Variants in R3HDML observed in about 807,000 individuals in gnomAD.
R3HDML encodes the protein peptidase inhibitor R3HDML.
Under a neutral mutation model 24.2 loss-of-function variants are expected in R3HDML, and 21 were observed. That is an observed-to-expected ratio of 0.87 (90% CI 0.62 to 1.25). The LOEUF (loss-of-function observed/expected upper bound fraction) is 1.25. R3HDML is among the 50% of genes most tolerant of loss of function. R3HDML has a pLI of 0.00. For missense variants in R3HDML, 301 were observed against 340.3 expected, an observed-to-expected ratio of 0.88 and a Z score of 0.91; for synonymous variants, 133 against 131.5, an observed-to-expected ratio of 1.01 and a Z score of -0.08.
chr20:44,345,422 G>T (rs1441939864), intron 4 of R3HDML, 44 bp downstream of exon 4: 3 of 1,397,726 alleles, frequency 2.1e-6, no homozygotes, highest in Non-Finnish European at 3.0e-6. Context: ...GGGCCGGCGG[G>T]TGGGTCCTGA....
At chr20:44,344,560 T>A in intron 3 of R3HDML, among the ~76,000 whole-genome samples, 1 of 152,084 alleles carries the variant, frequency 6.6e-6, no homozygotes, top group East Asian at 1.9e-4. Context: ...GGTGGGCAGA[T>A]CACCTGAGGT....
At chr20:44,343,318 C>A in intron 2 of R3HDML, 59 bp from the exon 3 acceptor site, 2 of 1,587,292 alleles carry the variant, frequency 1.3e-6, no homozygotes, top group East Asian at 2.3e-5. Flanking sequence ...AGCAAGTTGG[C>A]GGCCGAGCCA....
chr20:44,348,786 C>G (rs1201340925), intron 4 of R3HDML, among the ~76,000 whole-genome samples: 1 of 152,130 alleles, frequency 6.6e-6, no homozygotes. Flanking sequence ...AGTGCTGGGA[C>G]TACAGGCACG....
At chr20:44,343,738 G>A (rs777100247) in intron 3 of R3HDML, among the ~76,000 whole-genome samples, 5 of 151,960 alleles carry the variant, frequency 3.3e-5, no homozygotes, top group South Asian at 2.1e-4. Context: ...CTCTGTTGCC[G>A]AGGCTGGAGT....
Position 44,345,295 on chromosome 20 carries a change from T to C in R3HDML, c.546T>C (p.Cys182=), listed in dbSNP as rs11697359. ...GGGCATCCTCCAATCGGCTGGGCTG[T>C]GCCATCCACACCTGTAGTAGCATCA... The part of the protein sequence containing the change: ...MVWASSNRLG[C]AIHTCSSISV... The change falls in exon 4 of 5, where the codon TGT becomes TGC. Residue 182 remains cysteine, a synonymous_variant. Coordinates refer to ENST00000217043, the MANE Select transcript of R3HDML (RefSeq NM_178491.4). The C allele has an allele frequency of 0.13, 203,375 of 1,613,792 alleles. 14,206 individuals are homozygous for C. The highest frequency in any genetic ancestry group is 0.14 in the Middle Eastern group (872 of 6,054).
At chr20:44,340,602 C>G (rs911029912) in intron 1 of R3HDML, among the ~76,000 whole-genome samples, 2 of 152,096 alleles carry the variant, frequency 1.3e-5, no homozygotes, top group African/African-American at 2.4e-5. Context: ...GGAGACTAGC[C>G]TGGGCAACAT....
chr20:44,346,271 G>A (rs1212267822), intron 4 of R3HDML, among the ~76,000 whole-genome samples: 1 of 152,106 alleles, frequency 6.6e-6, no homozygotes, highest in Non-Finnish European at 1.5e-5. Flanking sequence ...ACAGGTGAAT[G>A]CCACCATGCC....
chr20:44,350,957 C>A lies in R3HDML; in HGVS notation c.*165C>A. 1 of 708,662 alleles carries A rather than the reference C, an allele frequency of 1.4e-6. No homozygotes were observed. Among genetic ancestry groups the A allele is most frequent in the Non-Finnish European group, 2.2e-6 (1 of 447,124 alleles). The allele number at this position is 708,662 out of a possible 1,614,324, so 43.9% of individuals were successfully genotyped here. On this transcript the variant is annotated 3_prime_UTR_variant, in exon 5 of 5. Transcript: ENST00000217043. ...CCCTTCTTAAATGTCCAACATGGGT[C>A]AAAAGAAAATGACCTCCTTGCCTTC...
chr20:44,347,352 G>A (rs1222690624), intron 4 of R3HDML, among the ~76,000 whole-genome samples: 1 of 151,776 alleles, frequency 6.6e-6, no homozygotes, highest in Admixed American at 6.6e-5. Context: ...CTGAGTAGCT[G>A]GGAGTACAGG....
intron 2 of R3HDML, among the ~76,000 whole-genome samples, chr20:44,341,821 G>A (rs2062773179): frequency 6.6e-6 from 1 of 152,178 alleles, no homozygotes; most frequent in African/African-American, 2.4e-5. Flanking sequence ...GGAGGTGGAG[G>A]TTGTGGTGAG....
intron 4 of R3HDML, chr20:44,347,954 A>ATTTTTTTT (rs35413702): frequency 9.5e-6 from 1 of 105,428 alleles, no homozygotes; most frequent in Non-Finnish European, 1.9e-5. Flanking sequence ...ATAGCGTCTA[A>ATTTTTTTT]TTTTTTTTTT....
At chr20:44,339,360 A>G (rs2062766133) in intron 1 of R3HDML, among the ~76,000 whole-genome samples, 1 of 152,180 alleles carries the variant, frequency 6.6e-6, no homozygotes, top group African/African-American at 2.4e-5. Context: ...ATGAATGAAC[A>G]AATCCTATTT....
chr20:44,339,597 G>GTGTGTGTGTC (rs1555804235), intron 1 of R3HDML, among the ~76,000 whole-genome samples: 4 of 151,446 alleles, frequency 2.6e-5, no homozygotes, highest in African/African-American at 9.7e-5. Flanking sequence ...GTGTGTGTGT[G>GTGTGTGTGTC]TGTGTGTGTC....
rs2060101759 is a variant in R3HDML at position 44,341,183 on chromosome 20, T to C, written c.262-13T>C. 6.2e-7 allele frequency: 1 copy of C among 1,601,664 alleles called. No individual in the cohort carries two copies. Among genetic ancestry groups the C allele is most frequent in the Middle Eastern group, 1.7e-4 (1 of 5,938 alleles). The stretch of plus-strand genomic sequence containing the variant: ...AATTCCCCTGGGGAATTTCATTGCC[T>C]TTCTTTCCCCAGGTCTGGGACAAGC... On this transcript the variant is annotated splice_polypyrimidine_tract_variant and intron_variant, in intron 1 of 4. Transcript: ENST00000217043.
chr20:44,345,609 GC>G (rs2062784424), intron 4 of R3HDML, among the ~76,000 whole-genome samples: 1 of 151,806 alleles, frequency 6.6e-6, no homozygotes, highest in Non-Finnish European at 1.5e-5. Context: ...TTCAAGATCA[GC>G]CTGGGGAACA....
chr20:44,350,604 T>C (rs1004281921), intron 4 of R3HDML, 56 bp from the exon 5 acceptor site: 9 of 1,570,716 alleles, frequency 5.7e-6, no homozygotes, highest in Non-Finnish European at 7.8e-6. Context: ...TGGACATCTG[T>C]GTGAAGGTTA....
chr20:44,347,989 G>T (rs929544249), intron 4 of R3HDML, among the ~76,000 whole-genome samples: 7 of 137,184 alleles, frequency 5.1e-5, no homozygotes, highest in Admixed American at 1.7e-4. Context: ...TGGAGGCAGG[G>T]TCTTGCTGTG....
chr20:44,340,113 C>T (rs1265192366), intron 1 of R3HDML, among the ~76,000 whole-genome samples: 1 of 152,104 alleles, frequency 6.6e-6, no homozygotes, highest in East Asian at 1.9e-4. Flanking sequence ...CGCCACCACA[C>T]CCGGCTAATT....
At position 44,350,851 on chromosome 20, in the gene R3HDML, A is replaced by G; in HGVS notation, c.*59A>G. On this transcript the variant is annotated 3_prime_UTR_variant, in exon 5 of 5. Transcript: ENST00000217043. The stretch of plus-strand genomic sequence containing the variant: ...GCCTGACCCTCCATGTCCTGCCCTC[A>G]AAAAACTGGGTGGAGAAATAATTGT... The G allele has an allele frequency of 6.3e-7, 1 of 1,576,682 alleles. No homozygotes were observed. The highest frequency in any genetic ancestry group is 8.6e-7 in the Non-Finnish European group (1 of 1,159,820).
Sources: gnomAD v4.1 joint callset for allele counts (sites outside exome capture counted in the v4.1 genomes callset) on GRCh38, gnomAD v4.1.1 for gene constraint, MANE v1.5 for transcripts, NCBI Gene and HGNC (gene_info 2026-07-23, HGNC 2026-07-21) for gene names.